VPS36: variants seen among roughly 807,000 people sequenced by gnomAD.
VPS36 encodes the protein vacuolar protein-sorting-associated protein 36.
VPS36 carries 31 observed loss-of-function variants against 63.5 expected under a neutral mutation model. The observed-to-expected ratio is 0.49, with a 90% CI of 0.37 to 0.66. The LOEUF (loss-of-function observed/expected upper bound fraction) is 0.66. Among genes scored for constraint, VPS36 ranks in the 30% least tolerant of loss-of-function variants. The pLI is 0.00. For synonymous variants in VPS36, 138 were observed against 157.2 expected, an observed-to-expected ratio of 0.88 and a Z score of 0.91; for missense variants, 338 against 463.7, an observed-to-expected ratio of 0.73 and a Z score of 2.49.
rs1958184074 is a variant in VPS36 at position 52,433,763 on chromosome 13, A to G, written c.442-15T>C. 4 of 1,572,244 alleles carry G rather than the reference A, an allele frequency of 2.5e-6. No homozygotes were observed. Among genetic ancestry groups the G allele is most frequent in the Non-Finnish European group, 3.5e-6 (4 of 1,158,298 alleles). ...ATTCTTCCTGGCTGAAAAAAAAAAG[A>G]GGTAGAAAATAAAACATACAAAATA... On this transcript the variant is annotated splice_polypyrimidine_tract_variant and intron_variant, in intron 5 of 13. Transcript: ENST00000378060.
At chr13:52,424,354 A>C (rs537920374) in intron 9 of VPS36, among the ~76,000 whole-genome samples, 2 of 152,332 alleles carry the variant, frequency 1.3e-5, no homozygotes, top group South Asian at 4.1e-4. Context: ...TTAACATCAC[A>C]AAAAATTTTT....
At chr13:52,434,959 CTTTCTTTT>C (rs1231848137) in intron 4 of VPS36, 77 bp from the exon 5 acceptor site, 10 of 1,113,526 alleles carry the variant, frequency 9.0e-6, no homozygotes, top group Admixed American at 7.6e-5. Flanking sequence ...CTTAACATTT[CTTTCTTTT>C]TTTCTTTTTT....
chr13:52,424,504 A>G (rs1373496628), intron 9 of VPS36, among the ~76,000 whole-genome samples: 2 of 152,236 alleles, frequency 1.3e-5, no homozygotes, highest in Non-Finnish European at 2.9e-5. Flanking sequence ...TAGGAAATAC[A>G]TAGGACCAGA....
At chr13:52,433,018 C>A (rs922422744) in intron 6 of VPS36, among the ~76,000 whole-genome samples, 1 of 152,164 alleles carries the variant, frequency 6.6e-6, no homozygotes, top group African/African-American at 2.4e-5. Context: ...TCATAAAAAA[C>A]CAAGACCATT....
chr13:52,427,906 G>C (rs1016068680), intron 6 of VPS36, among the ~76,000 whole-genome samples: 1 of 152,134 alleles, frequency 6.6e-6, no homozygotes, highest in Non-Finnish European at 1.5e-5. Flanking sequence ...AAGTCTCTAA[G>C]AATCAAAAGC....
intron 1 of VPS36, among the ~76,000 whole-genome samples, chr13:52,445,786 A>AG (rs1194580171): frequency 2.2e-5 from 3 of 134,188 alleles, no homozygotes; most frequent in Non-Finnish European, 4.8e-5. Flanking sequence ...AAATACAAAA[A>AG]AAAAATAGCC....
chr13:52,417,903 T>A (rs1427373328), intron 11 of VPS36, 89 bp downstream of exon 11: 1 of 1,073,704 alleles, frequency 9.3e-7, no homozygotes, highest in African/African-American at 1.6e-5. Flanking sequence ...GGCTTGACAC[T>A]AGGGATGGCA....
intron 9 of VPS36, among the ~76,000 whole-genome samples, chr13:52,425,182 G>A (rs1462241066): frequency 6.6e-6 from 1 of 150,966 alleles, no homozygotes; most frequent in Non-Finnish European, 1.5e-5. Context: ...GAACCTGGGA[G>A]GCGGAGCTTG....
intron 1 of VPS36, among the ~76,000 whole-genome samples, chr13:52,445,214 C>G (rs1171194007): frequency 1.3e-5 from 2 of 152,204 alleles, no homozygotes; most frequent in Non-Finnish European, 2.9e-5. Flanking sequence ...TTAGTTCAGT[C>G]TGGCTTCAAA....
intron 6 of VPS36, among the ~76,000 whole-genome samples, chr13:52,431,587 A>G (rs1003131680): frequency 1.3e-5 from 2 of 151,774 alleles, no homozygotes; most frequent in African/African-American, 4.8e-5. Context: ...ACATGGTGAA[A>G]CCCCGTCTCT....
At chr13:52,448,651 G>T (rs1448486415) in intron 1 of VPS36, among the ~76,000 whole-genome samples, 1 of 152,208 alleles carries the variant, frequency 6.6e-6, no homozygotes, top group Non-Finnish European at 1.5e-5. Flanking sequence ...ATTAAAACTT[G>T]CTGCTTCAAC....
chr13:52,418,568 C>A (rs1404907596), intron 10 of VPS36, among the ~76,000 whole-genome samples: 3 of 84,112 alleles, frequency 3.6e-5, no homozygotes, highest in South Asian at 4.5e-4. Context: ...TGCGAGACTC[C>A]ATCTCAAAAA....
intron 11 of VPS36, 23 bp from the exon 12 acceptor site, chr13:52,417,164 C>T: frequency 6.2e-7 from 1 of 1,607,742 alleles, no homozygotes; most frequent in Non-Finnish European, 8.5e-7. Flanking sequence ...GGTGCGAGAA[C>T]AAAGCCAGGA....
In VPS36 at chr13:52,415,144, T is replaced by C. The variant is rs1957982045; in HGVS notation, c.*686A>G. 6.6e-6 allele frequency: 1 copy of C among 152,142 alleles called. No individual in the cohort carries two copies. Among genetic ancestry groups the C allele is most frequent in the Admixed American group, 6.5e-5 (1 of 15,270 alleles). 9.4% of individuals were successfully genotyped at this position (152,142 alleles called of 1,614,324 possible). On this transcript the variant is annotated 3_prime_UTR_variant, in exon 14 of 14. Coordinates refer to ENST00000378060, the MANE Select transcript of VPS36 (RefSeq NM_016075.4). ...CGTCTACCTCCTAAATTTGTAATCA[T>C]AACTCTGGGCATGTCTATACAGCTC...
intron 1 of VPS36, chr13:52,449,941 A>G (rs1958384028): frequency 2.0e-6 from 2 of 985,444 alleles, no homozygotes; most frequent in Non-Finnish European, 2.4e-6. Context: ...CTCTTTAGGA[A>G]ATCCTTTCGA....
At position 52,413,823 on chromosome 13, in the gene VPS36, A is replaced by G. The variant is rs1957968397; in HGVS notation, c.*2007T>C. On this transcript the variant is annotated 3_prime_UTR_variant, in exon 14 of 14. Transcript: ENST00000378060. ...ACACCTTATAATAATGGCCTGAAAA[A>G]AAAAGATAAAAATACACAAATACAT... 2.0e-5 allele frequency: 3 copies of G among 152,668 alleles called. No individual in the cohort carries two copies. In the South Asian group the frequency reaches 6.2e-4, roughly 32 times the overall value. The allele number at this position is 152,668 out of a possible 1,614,324, so 9.5% of individuals were successfully genotyped here. A position where few individuals can be genotyped will look rare whatever the true frequency, so the allele number is the denominator to read the frequency against.
At chr13:52,429,034 G>A (rs1476005012) in intron 6 of VPS36, among the ~76,000 whole-genome samples, 1 of 151,812 alleles carries the variant, frequency 6.6e-6, no homozygotes, top group East Asian at 1.9e-4. Flanking sequence ...CAAAAAATGA[G>A]TAAAGAAACT....
chr13:52,421,939 C>T (rs568459068), intron 10 of VPS36, among the ~76,000 whole-genome samples: 1 of 152,080 alleles, frequency 6.6e-6, no homozygotes, highest in Admixed American at 6.5e-5. Flanking sequence ...TTTGGGGGTA[C>T]CTATTACCTG....
chr13:52,421,567 G>A (rs935009458), intron 10 of VPS36, among the ~76,000 whole-genome samples: 6 of 147,244 alleles, frequency 4.1e-5, no homozygotes, highest in African/African-American at 1.5e-4. Flanking sequence ...TGTCGCCTAG[G>A]CTAGAGTGCA....
Sources: gnomAD v4.1 joint callset for allele counts (sites outside exome capture counted in the v4.1 genomes callset) on GRCh38, gnomAD v4.1.1 for gene constraint, MANE v1.5 for transcripts, NCBI Gene and HGNC (gene_info 2026-07-23, HGNC 2026-07-21) for gene names.